The following SGCZ variants were observed in gnomAD, a reference collection of about 807,000 sequenced individuals.
SGCZ encodes sarcoglycan zeta.
Under a neutral mutation model 41.3 loss-of-function variants are expected in SGCZ, and 40 were observed. The observed-to-expected ratio is 0.97, with a 90% confidence interval of 0.75 to 1.26. The LOEUF (loss-of-function observed/expected upper bound fraction) is 1.26. Among genes scored for constraint, SGCZ ranks in the 50% most tolerant of loss-of-function variants. The pLI, the probability that SGCZ is intolerant of heterozygous loss-of-function variation, is 0.00. For synonymous variants in SGCZ, 206 were observed against 137.5 expected (o/e 1.50, Z -3.49); for missense variants, 552 against 369.8 (o/e 1.49, Z -4.04).
At chr8:15,219,837 A>T (rs913118102) in intron 1 of SGCZ, among the ~76,000 whole-genome samples, 5 of 152,202 alleles carry the variant, frequency 3.3e-5, no homozygotes, top group African/African-American at 1.2e-4. Flanking sequence ...TCAAAGGTGA[A>T]TTAGTTCAAC....
intron 1 of SGCZ, among the ~76,000 whole-genome samples, chr8:14,589,289 T>C: frequency 6.7e-6 from 1 of 149,576 alleles, no homozygotes; most frequent in East Asian, 2.0e-4. Context: ...AGTGTTGCAG[T>C]GAGCTGAGAT....
chr8:14,739,078 T>C (rs771903214), intron 1 of SGCZ, among the ~76,000 whole-genome samples: 8 of 152,152 alleles, frequency 5.3e-5, no homozygotes, highest in Non-Finnish European at 7.4e-5. Context: ...CCTGAAAACA[T>C]TTAATACCTA....
intron 1 of SGCZ, among the ~76,000 whole-genome samples, chr8:14,877,617 A>G (rs1201903492): frequency 2.4e-4 from 37 of 152,206 alleles, no homozygotes. Flanking sequence ...GGCATAAAAA[A>G]TAATATTTTT....
At chr8:14,462,587 A>C (rs77840655) in intron 2 of SGCZ, among the ~76,000 whole-genome samples, 3 of 151,930 alleles carry the variant, frequency 2.0e-5, no homozygotes, top group African/African-American at 7.2e-5. Context: ...CTATGTGCCT[A>C]TTTTTGCCAG....
At chr8:14,531,270 A>G (rs911032539) in intron 2 of SGCZ, among the ~76,000 whole-genome samples, 4 of 116,990 alleles carry the variant, frequency 3.4e-5, no homozygotes, top group African/African-American at 9.0e-5. Context: ...TTAACTGGCA[A>G]TCCACTTTCG....
intron 4 of SGCZ, among the ~76,000 whole-genome samples, chr8:14,216,977 T>C (rs1806015526): frequency 6.6e-6 from 1 of 152,138 alleles, no homozygotes; most frequent in Admixed American, 6.5e-5. Flanking sequence ...AGGCCACATA[T>C]GTGGTGAAAT....
intron 1 of SGCZ, among the ~76,000 whole-genome samples, chr8:14,835,896 A>G (rs1032665278): frequency 6.6e-6 from 1 of 152,252 alleles, no homozygotes; most frequent in Non-Finnish European, 1.5e-5. Flanking sequence ...GTTGTGGAAT[A>G]AAAGCTGCTG....
At chr8:14,625,425 T>C (rs1232170348) in intron 1 of SGCZ, among the ~76,000 whole-genome samples, 1 of 152,308 alleles carries the variant, frequency 6.6e-6, no homozygotes, top group South Asian at 2.1e-4. Context: ...GCAGAATATA[T>C]ATTTTATGAT....
intron 1 of SGCZ, among the ~76,000 whole-genome samples, chr8:15,084,625 G>A (rs1350007477): frequency 6.6e-6 from 1 of 152,060 alleles, no homozygotes; most frequent in Non-Finnish European, 1.5e-5. Context: ...GGTAATGCAT[G>A]TCTGTAGTCC....
intron 3 of SGCZ, among the ~76,000 whole-genome samples, chr8:14,297,943 A>G (rs1174302356): frequency 6.6e-6 from 1 of 152,028 alleles, no homozygotes; most frequent in Non-Finnish European, 1.5e-5. Flanking sequence ...TTACAATAAA[A>G]TGAAGTTACA....
At chr8:15,119,148 GA>G (rs1807385181) in intron 1 of SGCZ, among the ~76,000 whole-genome samples, 2 of 152,094 alleles carry the variant, frequency 1.3e-5, no homozygotes, top group African/African-American at 4.8e-5. Context: ...AGACTCTAAA[GA>G]AAATATAACA....
chr8:14,133,447 T>C (rs1563145272), intron 5 of SGCZ, among the ~76,000 whole-genome samples: 1 of 152,184 alleles, frequency 6.6e-6, no homozygotes, highest in Non-Finnish European at 1.5e-5. Context: ...AAGAGCATCT[T>C]TTCTTTCACG....
chr8:14,306,119 T>G (rs1012396805), intron 3 of SGCZ, among the ~76,000 whole-genome samples: 1 of 152,316 alleles, frequency 6.6e-6, no homozygotes, highest in Admixed American at 6.5e-5. Context: ...GGTTTTTTGT[T>G]TTGTTTTTCA....
intron 3 of SGCZ, among the ~76,000 whole-genome samples, chr8:14,268,745 A>G (rs999698709): frequency 6.6e-6 from 1 of 151,918 alleles, no homozygotes; most frequent in Non-Finnish European, 1.5e-5. Flanking sequence ...TATTATATGT[A>G]CATTTGCATT....
chr8:14,255,240 A>T (rs1222298821), intron 3 of SGCZ, among the ~76,000 whole-genome samples: 3 of 152,144 alleles, frequency 2.0e-5, no homozygotes, highest in African/African-American at 7.2e-5. Context: ...AATTGTTGGT[A>T]ATTTCAGTTA....
rs557296990 is a variant in SGCZ, at chr8:14,087,693, A to G, written c.*2750T>C. On this transcript the variant is annotated 3_prime_UTR_variant, in exon 8 of 8. Coordinates refer to ENST00000382080, the MANE Select transcript of SGCZ (RefSeq NM_139167.4). ...ACATAATCTGTTAGGGTACTGTGCA[A>G]TTAAGGGACCACTATATTTTTAAAA... Among the ~76,000 whole-genome samples the G allele has an allele frequency of 6.7e-6, 1 of 148,818 alleles. No individual in the cohort carries two copies. The highest frequency in any genetic ancestry group is 2.5e-5 in the African/African-American group (1 of 39,690).
chr8:14,722,694 C>T (rs1311490969), intron 1 of SGCZ, among the ~76,000 whole-genome samples: 3 of 151,956 alleles, frequency 2.0e-5, no homozygotes, highest in Admixed American at 6.6e-5. Flanking sequence ...GAGATGATAA[C>T]ATTCAAGAAA....
chr8:14,840,907 A>G (rs1276322107), intron 1 of SGCZ, among the ~76,000 whole-genome samples: 1 of 151,970 alleles, frequency 6.6e-6, no homozygotes, highest in African/African-American at 2.4e-5. Flanking sequence ...AATAATATTT[A>G]TTTTATTTTG....
At position 15,212,440 on chromosome 8, in the gene SGCZ, G is replaced by A. The variant is rs181380191; in HGVS notation, c.39+25145C>T. 2.9e-3 allele frequency among the ~76,000 whole-genome samples: 447 copies of A among 152,190 alleles called. 3 individuals carry two copies. The highest frequency in any genetic ancestry group is 9.7e-3 in the African/African-American group (404 of 41,552). ...ATTCTTATGTTATTCGTTTCAAGGCGTCTTGCAGAGTGGTTTAGGATTGTT... is the reference window on the plus strand; with the variant it reads ...ATTCTTATGTTATTCGTTTCAAGGCATCTTGCAGAGTGGTTTAGGATTGTT... On this transcript the variant is annotated intron_variant, in intron 1 of 7. Transcript: ENST00000382080.
Sources: gnomAD v4.1 joint callset for allele counts (sites outside exome capture counted in the v4.1 genomes callset) on GRCh38, gnomAD v4.1.1 for gene constraint, MANE v1.5 for transcripts, NCBI Gene and HGNC (gene_info 2026-07-23, HGNC 2026-07-21) for gene names.